Variants in SCEL observed in about 807,000 individuals in gnomAD.
SCEL encodes sciellin.
Under a neutral mutation model 117.6 loss-of-function variants are expected in SCEL, and 113 were observed. The observed-to-expected ratio is 0.96, with a 90% CI of 0.83 to 1.12. The LOEUF is 1.12. Among genes scored for constraint, SCEL ranks in the 50% most tolerant of loss-of-function variants. The probability of loss-of-function intolerance (pLI) is 0.00; values close to 1 mark genes in which losing one functional copy is unlikely to be tolerated. For synonymous variants in SCEL, 270 were observed against 256.2 expected (o/e 1.05, Z -0.51); for missense variants, 785 against 810.8 (o/e 0.97, Z 0.39).
rs144361884 is a variant in SCEL at position 77,597,643 on chromosome 13, T to C, written c.797+54T>C. The C allele has an allele frequency of 5.9e-4, 607 of 1,025,302 alleles. 7 individuals are homozygous for C. In the African/African-American group the frequency reaches 8.5e-3, roughly 14 times the overall value. 63.5% of individuals were successfully genotyped at this position (1,025,302 alleles called of 1,614,324 possible). On this transcript the variant is annotated intron_variant, in intron 13 of 32. Transcript: ENST00000349847. ...TACTGAGTTGCATATTGTGACTTTT[T>C]ATGCCTTTCCAGTCTTTGAGCGTGA...
At chr13:77,644,041 A>G (rs2090685774) in intron 32 of SCEL, among the ~76,000 whole-genome samples, 1 of 152,190 alleles carries the variant, frequency 6.6e-6, no homozygotes, top group African/African-American at 2.4e-5. Flanking sequence ...TAAGTTGTCA[A>G]GAGATGACTC....
chr13:77,593,490 G>T (rs1280668151), intron 11 of SCEL, 24 bp from the exon 12 acceptor site: 9 of 1,586,246 alleles, frequency 5.7e-6, no homozygotes, highest in Non-Finnish European at 6.9e-6. Flanking sequence ...TCATTGACCT[G>T]TATTTATTTT....
At chr13:77,605,503 A>G (rs1010675629) in intron 19 of SCEL, among the ~76,000 whole-genome samples, 19 of 152,174 alleles carry the variant, frequency 1.2e-4, no homozygotes, top group African/African-American at 4.3e-4. Context: ...TTCTGGCTCT[A>G]TCACTTGCTG....
intron 27 of SCEL, among the ~76,000 whole-genome samples, chr13:77,627,537 A>T (rs2089801961): frequency 6.6e-6 from 1 of 152,138 alleles, no homozygotes; most frequent in South Asian, 2.1e-4. Flanking sequence ...GAAAAGATAA[A>T]CATTTAAGGT....
chr13:77,556,646 G>T lies in SCEL; in HGVS notation c.94G>T (p.Glu32Ter), dbSNP rs142444600. Residue 32 changes from glutamate to a stop codon, truncating the protein, a stop_gained, in exon 3 of 33, where the codon GAG (glutamate) becomes TAG (stop). Coordinates refer to ENST00000349847, the MANE Select transcript of SCEL (RefSeq NM_144777.3). LOFTEE classifies it high-confidence loss of function. ...GTTRKQQDFH[E>*]VNKRRTFLQD... The stretch of plus-strand genomic sequence containing the variant: ...CACACGGAAGCAGCAGGATTTTCAC[G>T]AGGTGAACAAAAGAAGAACTTTCTT... 111 of 1,614,070 alleles carry T rather than the reference G, an allele frequency of 6.9e-5. No homozygotes were observed. The African/African-American group carries it at 1.3e-3, about 20-fold the overall frequency.
intron 1 of SCEL, among the ~76,000 whole-genome samples, chr13:77,537,823 T>C (rs185869872): frequency 3.0e-4 from 45 of 152,346 alleles, no homozygotes; most frequent in Admixed American, 2.1e-3. Flanking sequence ...TGAACACAAT[T>C]CACGAAGCCG....
At chr13:77,636,825 A>C (rs1702049144) in intron 29 of SCEL, among the ~76,000 whole-genome samples, 1 of 152,096 alleles carries the variant, frequency 6.6e-6, no homozygotes, top group Admixed American at 6.6e-5. Flanking sequence ...TTCTTTAGTA[A>C]ACAGATGAGG....
At position 77,640,777 on chromosome 13, in the gene SCEL, G is replaced by A; in HGVS notation, c.1940G>A (p.Cys647Tyr). The A allele has an allele frequency of 6.7e-7, 1 of 1,501,822 alleles. No homozygotes were observed. Among genetic ancestry groups the A allele is most frequent in the Non-Finnish European group, 9.2e-7 (1 of 1,082,452 alleles). 93.0% of individuals were successfully genotyped at this position (1,501,822 alleles called of 1,614,324 possible). ...DELQICCHST[C>Y]FKCEICKQPL... is the part of the protein sequence containing the mutation. The stretch of plus-strand genomic sequence containing the variant: ...TTACAAATTTGCTGCCATTCTACTT[G>A]CTTTAAGGTAAGGATGTGTTTATTT... The change falls in exon 31 of 33, where the codon TGC becomes TAC. Residue 647 changes from cysteine (C) to tyrosine (Y), a missense_variant. Cys to Tyr is a radical substitution (Grantham distance 194). Transcript: ENST00000349847.
At chr13:77,637,347 C>T (rs12857742) in intron 30 of SCEL, among the ~76,000 whole-genome samples, 153 bp downstream of exon 30, 3 of 137,980 alleles carry the variant, frequency 2.2e-5, no homozygotes, top group African/African-American at 7.8e-5. Flanking sequence ...AACATATATA[C>T]ATATATAAAC....
At chr13:77,593,685 G>A (rs151297672) in intron 12 of SCEL, 112 bp downstream of exon 12, 30 of 668,892 alleles carry the variant, frequency 4.5e-5, no homozygotes, top group Non-Finnish European at 7.4e-5. Flanking sequence ...GCTGTATATC[G>A]TATATAATTT....
At chr13:77,639,985 A>G (rs548719850) in intron 30 of SCEL, among the ~76,000 whole-genome samples, 22 of 152,346 alleles carry the variant, frequency 1.4e-4, no homozygotes, top group Middle Eastern at 3.4e-3. Context: ...ATCATTTATC[A>G]TTGAACATTA....
chr13:77,601,214 A>G (rs1205570880), intron 15 of SCEL, among the ~76,000 whole-genome samples: 1 of 151,532 alleles, frequency 6.6e-6, no homozygotes, highest in East Asian at 1.9e-4. Context: ...CAAAAGTGGT[A>G]GACAAAAGGA....
At chr13:77,621,706 C>T (rs974250964) in intron 27 of SCEL, among the ~76,000 whole-genome samples, 2 of 152,182 alleles carry the variant, frequency 1.3e-5, no homozygotes, top group Non-Finnish European at 2.9e-5. Flanking sequence ...ATCTCAAACT[C>T]ATCAATGCCT....
At chr13:77,538,066 G>A (rs1363399243) in intron 1 of SCEL, among the ~76,000 whole-genome samples, 3 of 150,058 alleles carry the variant, frequency 2.0e-5, no homozygotes, top group Admixed American at 6.6e-5. Context: ...GGTATTAATT[G>A]CTGCATACAT....
At chr13:77,634,763 C>T (rs1435079716) in intron 29 of SCEL, among the ~76,000 whole-genome samples, 1 of 152,124 alleles carries the variant, frequency 6.6e-6, no homozygotes. Flanking sequence ...TTATAAAATG[C>T]ACAACTATTC....
chr13:77,584,033 G>A (rs2086415195), intron 9 of SCEL, among the ~76,000 whole-genome samples: 1 of 152,222 alleles, frequency 6.6e-6, no homozygotes, highest in South Asian at 2.1e-4. Flanking sequence ...CTAGTGTGGT[G>A]GCATATATCC....
chr13:77,599,517 C>T, intron 14 of SCEL, 129 bp downstream of exon 14: 5 of 877,390 alleles, frequency 5.7e-6, no homozygotes, highest in Non-Finnish European at 9.3e-6. Flanking sequence ...GTAGTGCTCT[C>T]AGCATTGTAC....
At chr13:77,538,744 T>C (rs571428518) in intron 1 of SCEL, among the ~76,000 whole-genome samples, 1 of 152,328 alleles carries the variant, frequency 6.6e-6, no homozygotes, top group African/African-American at 2.4e-5. Flanking sequence ...GTATACTTGA[T>C]AGCTCTAAAA....
intron 1 of SCEL, among the ~76,000 whole-genome samples, chr13:77,548,618 A>T (rs1723515228): frequency 6.6e-6 from 1 of 152,228 alleles, no homozygotes; most frequent in African/African-American, 2.4e-5. Flanking sequence ...GAGTTGTAAG[A>T]ATTCCCACGT....
Sources: gnomAD v4.1 joint callset for allele counts (sites outside exome capture counted in the v4.1 genomes callset) on GRCh38, gnomAD v4.1.1 for gene constraint, MANE v1.5 for transcripts, NCBI Gene and HGNC (gene_info 2026-07-23, HGNC 2026-07-21) for gene names.